The following NUCKS1 variants were observed in gnomAD, a reference collection of about 807,000 sequenced individuals.
NUCKS1 encodes nuclear casein kinase and cyclin dependent kinase substrate 1, also known as nuclear ubiquitous casein and cyclin-dependent kinase substrate 1.
Under a neutral mutation model 33.0 loss-of-function variants are expected in NUCKS1, and 2 were observed. The ratio of observed to expected loss-of-function variants is 0.06; its 90% CI spans 0.02 to 0.19. NUCKS1 has a LOEUF of 0.19. Among genes scored for constraint, NUCKS1 ranks in the 10% least tolerant of loss-of-function variants. The pLI is 1.00. For synonymous variants in NUCKS1, 106 were observed against 102.8 expected (o/e 1.03, Z -0.19); for missense variants, 201 against 293.6 (o/e 0.68, Z 2.31).
At chr1:205,721,757 C>T (rs1292632229) in intron 4 of NUCKS1, among the ~76,000 whole-genome samples, 1 of 151,642 alleles carries the variant, frequency 6.6e-6, no homozygotes, top group Non-Finnish European at 1.5e-5. Context: ...CTCACTGCAA[C>T]CTCACCTCCC....
chr1:205,734,816 A>G (rs1313522618), intron 1 of NUCKS1, among the ~76,000 whole-genome samples: 1 of 151,894 alleles, frequency 6.6e-6, no homozygotes, highest in African/African-American at 2.4e-5. Flanking sequence ...AATCGCTTGA[A>G]CCCGGAAGGT....
chr1:205,741,780 A>AG (rs1213958649), intron 1 of NUCKS1, among the ~76,000 whole-genome samples: 1 of 152,230 alleles, frequency 6.6e-6, no homozygotes, highest in African/African-American at 2.4e-5. Context: ...GAGTGGAACT[A>AG]GGGTCCTATT....
intron 2 of NUCKS1, among the ~76,000 whole-genome samples, chr1:205,729,292 AT>A (rs1558051947): frequency 6.6e-6 from 1 of 152,190 alleles, no homozygotes; most frequent in Non-Finnish European, 1.5e-5. Flanking sequence ...ATTTTAAGCA[AT>A]GAACACTGTA....
chr1:205,717,793 T>A lies in NUCKS1; in HGVS notation c.*487A>T. Reference sequence around the variant, plus strand: ...TAAACTCATATTAGATGACAATTGATTTTTTAAAAGTCCAGGTAGAGAAAG... The same window carrying A: ...TAAACTCATATTAGATGACAATTGAATTTTTAAAAGTCCAGGTAGAGAAAG... On this transcript the variant is annotated 3_prime_UTR_variant, in exon 7 of 7. Transcript: ENST00000367142. The A allele has an allele frequency of 3.0e-6, 3 of 985,326 alleles. No homozygotes were observed. Among genetic ancestry groups the A allele is most frequent in the Non-Finnish European group, 3.6e-6 (3 of 829,788 alleles). The allele number at this position is 985,326 out of a possible 1,614,324, so 61.0% of individuals were successfully genotyped here. A position where few individuals can be genotyped will look rare whatever the true frequency, so the allele number is the denominator to read the frequency against.
chr1:205,747,405 A>G (rs1654359203), intron 1 of NUCKS1, among the ~76,000 whole-genome samples: 1 of 152,224 alleles, frequency 6.6e-6, no homozygotes, highest in Non-Finnish European at 1.5e-5. Context: ...CAAAGGGTAA[A>G]GACAGCAATC....
At position 205,750,177 on chromosome 1, in the gene NUCKS1, A is replaced by C; in HGVS notation, c.-204T>G. On this transcript the variant is annotated 5_prime_UTR_variant, in exon 1 of 7. Coordinates refer to ENST00000367142, the MANE Select transcript of NUCKS1 (RefSeq NM_022731.5). ...CCCCCCGCTCCCCCGTCTCTTCAAAATGGATGAATCAAACCAGCCGAAAAT... is the reference window on the plus strand; with the variant it reads ...CCCCCCGCTCCCCCGTCTCTTCAAACTGGATGAATCAAACCAGCCGAAAAT... The C allele has an allele frequency of 1.8e-6, 1 of 567,018 alleles. No homozygotes were observed. The highest frequency in any genetic ancestry group is 3.2e-6 in the Non-Finnish European group (1 of 313,938). 35.1% of individuals were successfully genotyped at this position (567,018 alleles called of 1,614,324 possible).
At position 205,722,374 on chromosome 1, in the gene NUCKS1, G is replaced by A. The variant is rs537556017; in HGVS notation, c.229+1552C>T. 1.9e-3 allele frequency among the ~76,000 whole-genome samples: 293 copies of A among 151,964 alleles called. 1 individual carries two copies. Among genetic ancestry groups the A allele is most frequent in the Non-Finnish European group, 2.3e-3 (154 of 67,898 alleles). On this transcript the variant is annotated intron_variant, in intron 4 of 6. Transcript: ENST00000367142. ...CAGGTTCAAGTGATTCTCCTGCCTC[G>A]GCCTCCCGAGTAGCTGGGATTACAG...
chr1:205,732,779 CA>C lies in NUCKS1; in HGVS notation c.18-3159del, dbSNP rs59760552. 4.9e-4 allele frequency among the ~76,000 whole-genome samples: 36 copies of C among 74,002 alleles called. 1 individual carries two copies. The highest frequency in any genetic ancestry group is 1.1e-3 in the Admixed American group (6 of 5,702). The allele number at this position is 74,002 out of a possible 152,430, so 48.5% of individuals were successfully genotyped here. On this transcript the variant is annotated intron_variant, in intron 1 of 6. Coordinates refer to ENST00000367142, the MANE Select transcript of NUCKS1 (RefSeq NM_022731.5). ...CTGGCAACAGAGCAAGACTCTGTCT[CA>C]AAAAAAAAAAAAAAAGTTAAGATGG... is the stretch of plus-strand genomic sequence containing the variant.
intron 3 of NUCKS1, among the ~76,000 whole-genome samples, chr1:205,726,599 C>G (rs144809151): frequency 1.0e-3 from 155 of 152,270 alleles, no homozygotes; most frequent in Non-Finnish European, 2.0e-3. Flanking sequence ...TTGAACTGCT[C>G]ATTTGTAATA....
chr1:205,748,426 C>CTT (rs1170827135), intron 1 of NUCKS1, among the ~76,000 whole-genome samples: 1 of 152,064 alleles, frequency 6.6e-6, no homozygotes, highest in Admixed American at 6.6e-5. Flanking sequence ...TTTACCTGAT[C>CTT]CTAAAGAAAA....
chr1:205,729,995 T>C (rs1653868096), intron 1 of NUCKS1, among the ~76,000 whole-genome samples: 1 of 147,690 alleles, frequency 6.8e-6, no homozygotes, highest in Non-Finnish European at 1.5e-5. Flanking sequence ...CACTCCAGCC[T>C]GGGCAACAAA....
intron 4 of NUCKS1, 38 bp from the exon 5 acceptor site, chr1:205,720,691 A>C: frequency 6.4e-7 from 1 of 1,558,416 alleles, no homozygotes; most frequent in Non-Finnish European, 8.7e-7. Context: ...ATGATTAAAG[A>C]ATTTTATATT....
intron 4 of NUCKS1, among the ~76,000 whole-genome samples, chr1:205,723,176 T>G (rs1671951213): frequency 6.6e-6 from 1 of 152,158 alleles, no homozygotes; most frequent in South Asian, 2.1e-4. Context: ...CAGAGTGAAT[T>G]TAGCAGAACT....
intron 6 of NUCKS1, among the ~76,000 whole-genome samples, chr1:205,718,725 G>A (rs1369252077): frequency 6.6e-6 from 1 of 152,118 alleles, no homozygotes; most frequent in Non-Finnish European, 1.5e-5. Context: ...ACTCTATGAT[G>A]TTAGCAGTAA....
At chr1:205,729,211 C>T (rs565595332) in intron 2 of NUCKS1, among the ~76,000 whole-genome samples, 6 of 151,986 alleles carry the variant, frequency 3.9e-5, no homozygotes, top group Middle Eastern at 3.5e-3. Flanking sequence ...TCAAGTGGTC[C>T]GCCCACCTTG....
intron 2 of NUCKS1, 57 bp downstream of exon 2, chr1:205,729,515 G>T: frequency 9.0e-7 from 1 of 1,110,258 alleles, no homozygotes; most frequent in Non-Finnish European, 1.4e-6. Context: ...AACTATATAA[G>T]CTGGTAACCT....
At chr1:205,742,858 T>C (rs1293622431) in intron 1 of NUCKS1, among the ~76,000 whole-genome samples, 13 of 151,754 alleles carry the variant, frequency 8.6e-5, no homozygotes, top group Admixed American at 2.0e-4. Flanking sequence ...AACAAACAAA[T>C]AAATAAAAGG....
intron 1 of NUCKS1, among the ~76,000 whole-genome samples, chr1:205,745,884 C>T (rs759412770): frequency 2.0e-5 from 3 of 152,170 alleles, no homozygotes; most frequent in Non-Finnish European, 4.4e-5. Context: ...TGCATTTTTT[C>T]TCAATGTTTG....
At chr1:205,732,779 C>CAAAAAAAAAAAAAAAAAA (rs59760552) in intron 1 of NUCKS1, among the ~76,000 whole-genome samples, 8 of 73,990 alleles carry the variant, frequency 1.1e-4, no homozygotes, top group African/African-American at 2.7e-4. Context: ...GACTCTGTCT[C>CAAAAAAAAAAAAAAAAAA]AAAAAAAAAA....
Sources: gnomAD v4.1 joint callset for allele counts (sites outside exome capture counted in the v4.1 genomes callset) on GRCh38, gnomAD v4.1.1 for gene constraint, MANE v1.5 for transcripts, NCBI Gene and HGNC (gene_info 2026-07-23, HGNC 2026-07-21) for gene names.